Variants in TSHZ3 observed in about 807,000 individuals in gnomAD.
The protein encoded by TSHZ3 is teashirt homolog 3.
Under a neutral mutation model 64.5 loss-of-function variants are expected in TSHZ3, and 10 were observed. The ratio of observed to expected loss-of-function variants is 0.16; its 90% confidence interval spans 0.10 to 0.26. The LOEUF (loss-of-function observed/expected upper bound fraction) is 0.26, where lower values mean the gene tolerates loss of function less well. Among genes scored for constraint, TSHZ3 ranks in the 10% least tolerant of loss-of-function variants. TSHZ3 has a pLI of 1.00. For missense variants in TSHZ3, 1,242 were observed against 1,421.7 expected, an observed-to-expected ratio of 0.87 and a Z score of 2.03; for synonymous variants, 608 against 593.1, an observed-to-expected ratio of 1.03 and a Z score of -0.36.
chr19:31,320,241 C>T (rs1022718373), intron 1 of TSHZ3, among the ~76,000 whole-genome samples: 3 of 152,112 alleles, frequency 2.0e-5, no homozygotes, highest in Non-Finnish European at 4.4e-5. Flanking sequence ...TGACCCTGGA[C>T]ATGAATGCGT....
At chr19:31,180,687 G>A (rs886811415) in intron 5 of TSHZ3, among the ~76,000 whole-genome samples, 7 of 152,070 alleles carry the variant, frequency 4.6e-5, no homozygotes, top group South Asian at 2.1e-4. Context: ...ACATATTGAC[G>A]GGCATGTCAC....
Position 31,226,977 on chromosome 19 carries a change from C to CTTTTTTTTTTTTTTTTTTTTT in TSHZ3, n.686+1027_686+1028insAAAAAAAAAAAAAAAAAAAAA, listed in dbSNP as rs3030229. Among the ~76,000 whole-genome samples the CTTTTTTTTTTTTTTTTTTTTT allele has an allele frequency of 5.2e-4, 34 of 65,680 alleles. 1 individual carries two copies. The highest frequency in any genetic ancestry group is 8.8e-4 in the Admixed American group (4 of 4,546). 43.1% of individuals were successfully genotyped at this position (65,680 alleles called of 152,430 possible). A position where few individuals can be genotyped will look rare whatever the true frequency, so the allele number is the denominator to read the frequency against. ...TTTTCTTCTCTTTCTTTCTTTCTTT[C>CTTTTTTTTTTTTTTTTTTTTT]TTTTTTTTTTTTTTTTTTTGAGATG... is the stretch of plus-strand genomic sequence containing the variant. On this transcript the variant is annotated intron_variant and non_coding_transcript_variant, in intron 4 of 6. Coordinates refer to the TSHZ3 transcript ENST00000651361.
intron 1 of TSHZ3, among the ~76,000 whole-genome samples, chr19:31,310,867 A>T (rs1916437594): frequency 6.6e-6 from 1 of 152,236 alleles, no homozygotes; most frequent in South Asian, 2.1e-4. Context: ...AAGAACAGTT[A>T]TTTTGGGGTT....
chr19:31,165,942 C>G (rs933782664), intron 5 of TSHZ3, among the ~76,000 whole-genome samples: 15 of 152,194 alleles, frequency 9.9e-5, no homozygotes, highest in African/African-American at 3.4e-4. Flanking sequence ...ATGGATGTGC[C>G]GACTTCTAGT....
chr19:31,227,049 G>A (rs989176632), intron 4 of TSHZ3, among the ~76,000 whole-genome samples: 1 of 139,372 alleles, frequency 7.2e-6, no homozygotes, highest in Admixed American at 7.7e-5. Context: ...TGCCATCTCG[G>A]CTTACTGCAA....
chr19:31,187,846 A>C (rs2145134466), intron 5 of TSHZ3, among the ~76,000 whole-genome samples: 1 of 152,260 alleles, frequency 6.6e-6, no homozygotes, highest in Admixed American at 6.5e-5. Context: ...AGGCAGTCTT[A>C]AAATCAGGTA....
intron 4 of TSHZ3, among the ~76,000 whole-genome samples, chr19:31,224,124 T>C (rs780435213): frequency 6.6e-6 from 1 of 152,196 alleles, no homozygotes; most frequent in African/African-American, 2.4e-5. Context: ...GGCACGGAGA[T>C]ATAACTTTTG....
chr19:31,195,844 C>A (rs1974982796), intron 5 of TSHZ3: 2 of 151,880 alleles, frequency 1.3e-5, no homozygotes, highest in Non-Finnish European at 2.9e-5. Context: ...CACATATAAT[C>A]AATATAGTTA....
chr19:31,323,901 C>T (rs1027350763), intron 1 of TSHZ3, among the ~76,000 whole-genome samples: 1 of 150,056 alleles, frequency 6.7e-6, no homozygotes, highest in African/African-American at 2.4e-5. Context: ...CACACACACA[C>T]ACACACACAC....
chr19:31,217,416 A>G (rs1975348824), intron 4 of TSHZ3, among the ~76,000 whole-genome samples: 1 of 152,184 alleles, frequency 6.6e-6, no homozygotes, highest in African/African-American at 2.4e-5. Context: ...TTTAAAGTGC[A>G]AAGCAAATGT....
intron 4 of TSHZ3, among the ~76,000 whole-genome samples, chr19:31,223,242 T>A (rs1187493930): frequency 6.6e-6 from 1 of 152,164 alleles, no homozygotes; most frequent in Non-Finnish European, 1.5e-5. Context: ...TACCAACTCA[T>A]AAAATATTAA....
In TSHZ3 at chr19:31,278,451, C is replaced by A; in HGVS notation, c.1342G>T (p.Ala448Ser). 6.2e-7 allele frequency: 1 copy of A among 1,614,132 alleles called. No individual in the cohort carries two copies. Among genetic ancestry groups the A allele is most frequent in the South Asian group, 1.1e-5 (1 of 91,082 alleles). ...LDEKVQSVPL[A>S]ATTFTSPSNT... is the part of the protein sequence containing the mutation. ...GAGGGGGACGTGAAGGTGGTGGCTGCCAGGGGCACGGACTGGACCTTCTCA... is the reference window on the plus strand; with the variant it reads ...GAGGGGGACGTGAAGGTGGTGGCTGACAGGGGCACGGACTGGACCTTCTCA... The change falls in exon 2 of 2, where the codon GCA (alanine) becomes TCA (serine). Residue 448 changes from alanine (A) to serine (S), a missense_variant. Physicochemically the swap from Ala to Ser is moderately conservative, Grantham distance 99 (BLOSUM62 1). Transcript: ENST00000240587. The surrounding 1 kb of genome is among the most constrained non-coding windows in gnomAD (Gnocchi z 4.7).
At chr19:31,221,919 T>A (rs375515212) in intron 4 of TSHZ3, among the ~76,000 whole-genome samples, 2 of 152,138 alleles carry the variant, frequency 1.3e-5, no homozygotes, top group East Asian at 1.9e-4. Flanking sequence ...GTGTCAAGAA[T>A]GGGACCTTTG....
intron 3 of TSHZ3, among the ~76,000 whole-genome samples, chr19:31,230,327 T>C: frequency 6.6e-6 from 1 of 152,262 alleles, no homozygotes; most frequent in East Asian, 1.9e-4. Flanking sequence ...AATGTATGTA[T>C]GTAAATATAT....
chr19:31,218,541 TCA>T (rs1238222906), intron 4 of TSHZ3, among the ~76,000 whole-genome samples: 1 of 152,182 alleles, frequency 6.6e-6, no homozygotes, highest in Non-Finnish European at 1.5e-5. Flanking sequence ...TCCTGCAGTC[TCA>T]CTCCTAGATA....
At chr19:31,305,620 TAGAA>T (rs1568375557) in intron 1 of TSHZ3, 1 of 152,130 alleles carries the variant, frequency 6.6e-6, no homozygotes, top group African/African-American at 2.4e-5. Flanking sequence ...AGTTTGTGGA[TAGAA>T]AGAGAAGAGG....
In TSHZ3 at chr19:31,278,521, G is replaced by A; in HGVS notation, c.1272C>T (p.Pro424=). 6.2e-7 allele frequency: 1 copy of A among 1,614,136 alleles called. No homozygotes were observed. Among genetic ancestry groups the A allele is most frequent in the Non-Finnish European group, 8.5e-7 (1 of 1,180,026 alleles). ...TAGGTGTGACAGGCGTCTCCACAAT[G>A]GGCTTCCCCTTTTTCATAGCAGAGT... ...VTNSAMKKGK[P]IVETPVTPTI... Residue 424 remains proline (P), a synonymous_variant, in exon 2 of 2, where the codon CCC becomes CCT. Coordinates refer to ENST00000240587, the MANE Select transcript of TSHZ3 (RefSeq NM_020856.4). This position sits in a 1 kb window ranked among gnomAD's most constrained non-coding sequence, Gnocchi z 4.7.
intron 1 of TSHZ3, among the ~76,000 whole-genome samples, chr19:31,281,205 C>A (rs927527364): frequency 2.6e-5 from 4 of 152,064 alleles, no homozygotes; most frequent in African/African-American, 9.7e-5. Flanking sequence ...TGCCCCTGTT[C>A]CATTTCACAT....
At chr19:31,338,809 TC>T (rs1917335606) in intron 1 of TSHZ3, among the ~76,000 whole-genome samples, 1 of 151,792 alleles carries the variant, frequency 6.6e-6, no homozygotes, top group African/African-American at 2.4e-5. Flanking sequence ...CCTTCCTCCC[TC>T]CATCTTTTTT....
Sources: allele counts gnomAD v4.1 joint callset (sites outside exome capture counted in the v4.1 genomes callset), GRCh38; gene constraint gnomAD v4.1.1; non-coding constraint Gnocchi (gnomAD v3.1); transcripts MANE v1.5; gene names NCBI Gene and HGNC (gene_info 2026-07-23, HGNC 2026-07-21).